Variants in LRIF1 observed in about 807,000 individuals in gnomAD.
The protein encoded by LRIF1 is ligand-dependent nuclear receptor-interacting factor 1.
LRIF1 carries 32 observed loss-of-function variants against 52.7 expected under a neutral mutation model. That is an observed-to-expected ratio of 0.61 (90% CI 0.46 to 0.82). The LOEUF (loss-of-function observed/expected upper bound fraction) is 0.82. LRIF1 is among the 40% of genes least tolerant of loss of function. The pLI is 0.00. For synonymous variants in LRIF1, 323 were observed against 317.4 expected, an observed-to-expected ratio of 1.02 and a Z score of -0.19; for missense variants, 887 against 892.0, an observed-to-expected ratio of 0.99 and a Z score of 0.07.
rs56944596 is a variant in LRIF1 at position 110,955,277 on chromosome 1, C to T, written c.69-2462G>A. 5.0e-3 allele frequency among the ~76,000 whole-genome samples: 766 copies of T among 152,288 alleles called. 7 individuals carry two copies. The highest frequency in any genetic ancestry group is 0.018 in the African/African-American group (731 of 41,546). ...CACAAAATCCTGTTGATATTGTCTC[C>T]TAAATTTCCTTTCATCTGTTCAATT... On this transcript the variant is annotated intron_variant, in intron 1 of 3. Coordinates refer to ENST00000369763, the MANE Select transcript of LRIF1 (RefSeq NM_018372.4).
At chr1:110,898,455 TCAAA>T in the LRIF1 span, among the ~76,000 whole-genome samples, 1 of 150,874 alleles carries the variant, frequency 6.6e-6, no homozygotes, top group Non-Finnish European at 1.5e-5. Context: ...TGATTCACAG[TCAAA>T]CAAAAAAGCC....
At chr1:110,923,425 C>T in the LRIF1 span, among the ~76,000 whole-genome samples, 14 of 152,212 alleles carry the variant, frequency 9.2e-5, no homozygotes, top group Middle Eastern at 3.4e-3. Flanking sequence ...CATTATTAGT[C>T]TACCAAATAA....
the LRIF1 span, chr1:110,937,337 G>A: frequency 7.2e-5 from 11 of 152,010 alleles, no homozygotes; most frequent in Non-Finnish European, 1.3e-4. Flanking sequence ...GTAACAAAAC[G>A]AGTCTTAAAA....
rs1239009766 is a variant in LRIF1, at chr1:110,948,007, C to T, written c.2262G>A (p.Glu754=). The stretch of plus-strand genomic sequence containing the variant: ...GCATTTCTTCAAGAGCTGCTTCTTT[C>T]TCTCTCAGCACCTGCTTAAGTCTTC... ...KIRRLKQVLR[E]KEAALEEMRK... Residue 754 remains glutamate, a synonymous_variant, in exon 4 of 4, where the codon GAG becomes GAA. Coordinates refer to ENST00000369763, the MANE Select transcript of LRIF1 (RefSeq NM_018372.4). The T allele has an allele frequency of 3.1e-6, 5 of 1,598,690 alleles. No individual in the cohort carries two copies. In the East Asian group the frequency reaches 1.1e-4, roughly 36 times the overall value.
At chr1:110,897,765 T>C in the LRIF1 span, 3 of 1,170,016 alleles carry the variant, frequency 2.6e-6, no homozygotes, top group Non-Finnish European at 3.8e-6. Context: ...CTTGATATGG[T>C]GGAATTATAG....
At chr1:110,912,304 T>C in the LRIF1 span, among the ~76,000 whole-genome samples, 1 of 152,084 alleles carries the variant, frequency 6.6e-6, no homozygotes, top group Non-Finnish European at 1.5e-5. Flanking sequence ...CTCCACCTAC[T>C]GGGTTCAAGC....
chr1:110,886,584 C>A, the LRIF1 span, among the ~76,000 whole-genome samples: 6 of 152,012 alleles, frequency 3.9e-5, no homozygotes, highest in African/African-American at 1.4e-4. Context: ...CATGGTGGCT[C>A]ACACCTGTAA....
chr1:110,949,746 C>A, intron 3 of LRIF1, 105 bp downstream of exon 3: 1 of 1,227,308 alleles, frequency 8.1e-7, no homozygotes. Flanking sequence ...CCAGTAACAA[C>A]CATCATTTAT....
At chr1:110,893,623 G>T in the LRIF1 span, among the ~76,000 whole-genome samples, 1 of 152,184 alleles carries the variant, frequency 6.6e-6, no homozygotes, top group African/African-American at 2.4e-5. Context: ...CGCCCAGTCT[G>T]TATGGGTCAA....
At chr1:110,946,674 T>TGA (rs1553209532), downstream of LRIF1, among the ~76,000 whole-genome samples, 132 of 122,486 alleles carry the variant, frequency 1.1e-3, 1 homozygote, top group Middle Eastern at 4.2e-3. Context: ...TTTTTTTTTT[T>TGA]GAGACGGAGT....
chr1:110,882,486 G>A, the LRIF1 span, among the ~76,000 whole-genome samples: 1 of 151,910 alleles, frequency 6.6e-6, no homozygotes, highest in Non-Finnish European at 1.5e-5. Flanking sequence ...TTTATAGAAA[G>A]CAATATAATT....
In LRIF1 at chr1:110,948,148, A is replaced by T. The variant is rs148620213; in HGVS notation, c.2121T>A (p.Thr707=). 456 of 1,614,108 alleles carry T rather than the reference A, an allele frequency of 2.8e-4. 1 individual carries two copies. The African/African-American group carries it at 4.9e-3, about 18-fold the overall frequency. Residue 707 remains threonine, a synonymous_variant, in exon 4 of 4, where the codon ACT becomes ACA. Coordinates refer to ENST00000369763, the MANE Select transcript of LRIF1 (RefSeq NM_018372.4). The stretch of plus-strand genomic sequence containing the variant: ...GTTCATAAGCTGCATTTGAATTCAA[A>T]GTGCCTTTCTCTTGCTTCTCATGGG... ...YYTHEKQEKG[T]LNSNAAYEQS...
the LRIF1 span, among the ~76,000 whole-genome samples, chr1:110,885,191 C>T: frequency 6.6e-6 from 1 of 152,142 alleles, no homozygotes; most frequent in African/African-American, 2.4e-5. Flanking sequence ...ATAAAGTTTA[C>T]TTTTACATTT....
chr1:110,945,831 A>C (rs1171066479), downstream of LRIF1, among the ~76,000 whole-genome samples: 3 of 152,242 alleles, frequency 2.0e-5, no homozygotes, highest in African/African-American at 7.2e-5. Context: ...TAAATCAAGA[A>C]GACTGACAAT....
the LRIF1 span, among the ~76,000 whole-genome samples, chr1:110,918,967 C>T: frequency 7.5e-4 from 114 of 152,332 alleles, 2 homozygotes; most frequent in South Asian, 1.4e-3. Context: ...GTGGGGGCCA[C>T]GGCCTGGCCC....
At chr1:110,955,755 A>G (rs183466733) in intron 1 of LRIF1, among the ~76,000 whole-genome samples, 82 of 152,332 alleles carry the variant, frequency 5.4e-4, no homozygotes, top group Admixed American at 1.2e-3. Context: ...GACTGGCAGG[A>G]AGCTACAGGA....
chr1:110,892,317 C>T, the LRIF1 span: 1 of 1,585,788 alleles, frequency 6.3e-7, no homozygotes, highest in Non-Finnish European at 8.7e-7. Context: ...CATTTTGCTT[C>T]AGGATGTTGT....
the LRIF1 span, among the ~76,000 whole-genome samples, chr1:110,913,594 C>T: frequency 1.3e-5 from 2 of 152,014 alleles, no homozygotes; most frequent in African/African-American, 4.8e-5. Context: ...AAAAAAGATA[C>T]CATCTCACGC....
At chr1:110,897,397 G>A in the LRIF1 span, among the ~76,000 whole-genome samples, 1 of 152,220 alleles carries the variant, frequency 6.6e-6, no homozygotes, top group Non-Finnish European at 1.5e-5. Context: ...CAACTGCCCT[G>A]GCACTTGGTA....
Sources: gnomAD v4.1 joint callset for allele counts (sites outside exome capture counted in the v4.1 genomes callset) on GRCh38, gnomAD v4.1.1 for gene constraint, MANE v1.5 for transcripts, NCBI Gene and HGNC (gene_info 2026-07-23, HGNC 2026-07-21) for gene names.